The following PTPRD variants were observed in gnomAD, a reference collection of about 807,000 sequenced individuals.
PTPRD encodes the protein receptor-type tyrosine-protein phosphatase delta.
Under a neutral mutation model 214.5 loss-of-function variants are expected in PTPRD, and 34 were observed. The ratio of observed to expected loss-of-function variants is 0.16; its 90% CI spans 0.12 to 0.21. PTPRD has a LOEUF of 0.21. PTPRD is among the 10% of genes least tolerant of loss of function. The probability of loss-of-function intolerance (pLI) is 1.00; values close to 1 mark genes in which losing one functional copy is unlikely to be tolerated. For synonymous variants in PTPRD, 1,128 were observed against 845.7 expected, an observed-to-expected ratio of 1.33 and a Z score of -5.79; for missense variants, 2,545 against 2,398.7, an observed-to-expected ratio of 1.06 and a Z score of -1.27.
At chr9:8,922,022 T>C (rs2098831494) in intron 11 of PTPRD, among the ~76,000 whole-genome samples, 1 of 151,660 alleles carries the variant, frequency 6.6e-6, no homozygotes, top group Non-Finnish European at 1.5e-5. Context: ...AAAGGAGAAG[T>C]TATTACGCTA....
intron 43 of PTPRD, among the ~76,000 whole-genome samples, chr9:8,336,058 C>T (rs956935315): frequency 3.3e-5 from 5 of 151,438 alleles, no homozygotes; most frequent in Admixed American, 3.3e-4. Flanking sequence ...GATTCAATGC[C>T]ATCCCCATCA....
chr9:9,733,111 G>T (rs1379935027), intron 7 of PTPRD, among the ~76,000 whole-genome samples: 1 of 152,106 alleles, frequency 6.6e-6, no homozygotes, highest in Non-Finnish European at 1.5e-5. Context: ...AACTAGTCTC[G>T]CAATAAACAG....
chr9:10,556,610 T>G (rs1566918629), intron 2 of PTPRD, among the ~76,000 whole-genome samples: 1 of 152,134 alleles, frequency 6.6e-6, no homozygotes, highest in Non-Finnish European at 1.5e-5. Flanking sequence ...GCTCAAATTT[T>G]GTTGACTTTA....
intron 5 of PTPRD, among the ~76,000 whole-genome samples, chr9:9,872,920 T>C (rs1293285362): frequency 6.6e-6 from 1 of 152,134 alleles, no homozygotes; most frequent in Admixed American, 6.6e-5. Context: ...CTGATTAATA[T>C]TTATTAAGTA....
intron 35 of PTPRD, among the ~76,000 whole-genome samples, chr9:8,429,997 G>C (rs1333168571): frequency 6.6e-6 from 1 of 152,144 alleles, no homozygotes; most frequent in African/African-American, 2.4e-5. Flanking sequence ...TGACAGGATG[G>C]ACTGTGGTCC....
chr9:8,506,080 G>C (rs749528179), intron 22 of PTPRD, among the ~76,000 whole-genome samples: 6 of 152,090 alleles, frequency 3.9e-5, no homozygotes, highest in Non-Finnish European at 8.8e-5. Context: ...TTGAGATTCT[G>C]CTCAATTCAA....
intron 3 of PTPRD, among the ~76,000 whole-genome samples, chr9:10,103,639 G>T (rs1000883606): frequency 6.6e-6 from 1 of 151,182 alleles, no homozygotes; most frequent in Non-Finnish European, 1.5e-5. Flanking sequence ...AGGTCTGAGG[G>T]TTCATTGTCT....
intron 2 of PTPRD, among the ~76,000 whole-genome samples, chr9:10,608,825 G>T (rs555382418): frequency 2.0e-5 from 3 of 152,004 alleles, no homozygotes; most frequent in Admixed American, 6.6e-5. Context: ...GTTTTGAAAA[G>T]CTTGTTACAA....
intron 11 of PTPRD, among the ~76,000 whole-genome samples, chr9:8,987,444 T>C (rs1373380452): frequency 6.6e-6 from 1 of 152,162 alleles, no homozygotes; most frequent in Non-Finnish European, 1.5e-5. Context: ...CATTCCTTTT[T>C]GCAGTTTTAG....
intron 44 of PTPRD, among the ~76,000 whole-genome samples, chr9:8,323,154 T>G (rs535402882): frequency 6.6e-6 from 1 of 152,226 alleles, no homozygotes; most frequent in African/African-American, 2.4e-5. Context: ...GACTGAACAT[T>G]TTAAGGCCAC....
chr9:9,597,990 C>T (rs983395810), intron 7 of PTPRD, among the ~76,000 whole-genome samples: 5 of 151,846 alleles, frequency 3.3e-5, no homozygotes, highest in African/African-American at 1.2e-4. Flanking sequence ...AATGCAAAAA[C>T]CATGTATCCT....
intron 2 of PTPRD, among the ~76,000 whole-genome samples, chr9:10,524,346 A>G (rs560558754): frequency 6.6e-6 from 1 of 152,204 alleles, no homozygotes; most frequent in Admixed American, 6.6e-5. Flanking sequence ...TGTGTTTGAT[A>G]CATAGTTTAC....
At chr9:9,138,642 C>T (rs2039332) in intron 10 of PTPRD, among the ~76,000 whole-genome samples, 14,734 of 152,042 alleles carry the variant, frequency 0.097, 1,972 homozygotes, top group African/African-American at 0.3. Flanking sequence ...GGAATAACCA[C>T]AGTTTTAAGG....
chr9:10,130,285 A>G (rs1405531367), intron 3 of PTPRD, among the ~76,000 whole-genome samples: 3 of 151,696 alleles, frequency 2.0e-5, no homozygotes, highest in South Asian at 2.1e-4. Flanking sequence ...CTCAGTATCT[A>G]TGACTGTTTT....
rs372843213 is a variant in PTPRD at position 9,466,044 on chromosome 9, C to T, written c.-236-68562G>A. Among the ~76,000 whole-genome samples the T allele has an allele frequency of 5.3e-5, 8 of 152,112 alleles. No homozygotes were observed. In the East Asian group the frequency reaches 9.7e-4, roughly 18 times the overall value. On this transcript the variant is annotated intron_variant, in intron 8 of 45. Coordinates refer to ENST00000381196, the MANE Select transcript of PTPRD (RefSeq NM_002839.4). ...AATCTAGTAGCCAGGTGTGATGGTTCACACCTATAATACCAGCACTTTGGA... is the reference window on the plus strand; with the variant it reads ...AATCTAGTAGCCAGGTGTGATGGTTTACACCTATAATACCAGCACTTTGGA...
chr9:9,549,315 A>G (rs1454377298), intron 8 of PTPRD, among the ~76,000 whole-genome samples: 1 of 152,106 alleles, frequency 6.6e-6, no homozygotes, highest in Non-Finnish European at 1.5e-5. Flanking sequence ...GAATATATAA[A>G]GAACTCTTAT....
At position 8,331,574 on chromosome 9, in the gene PTPRD, A is replaced by AAACTTACCATTCTTCAACTGT; in HGVS notation, c.5534+7_5534+8insACAGTTGAAGAATGGTAAGTT. 1.2e-6 allele frequency: 2 copies of AAACTTACCATTCTTCAACTGT among 1,611,994 alleles called. No homozygotes were observed. The highest frequency in any genetic ancestry group is 1.7e-6 in the Non-Finnish European group (2 of 1,178,832). The stretch of plus-strand genomic sequence containing the variant: ...TTATCACTGCTTTATTCACAAATGG[A>AAACTTACCATTCTTCAACTGT]AACTTACCTGCAATGGACTGAAATG... On this transcript the variant is annotated splice_region_variant and intron_variant, in intron 44 of 45. Transcript: ENST00000381196.
At chr9:9,484,695 GA>G (rs1436823816) in intron 8 of PTPRD, among the ~76,000 whole-genome samples, 2 of 152,060 alleles carry the variant, frequency 1.3e-5, no homozygotes, top group African/African-American at 4.8e-5. Flanking sequence ...GATGAAAACT[GA>G]GGTACAAGGA....
intron 9 of PTPRD, among the ~76,000 whole-genome samples, chr9:9,218,706 T>C (rs1028709085): frequency 2.6e-5 from 4 of 152,124 alleles, no homozygotes; most frequent in African/African-American, 9.7e-5. Context: ...CAACTAAATC[T>C]GGGACTTTTG....
Sources: gnomAD v4.1 joint callset for allele counts (sites outside exome capture counted in the v4.1 genomes callset) on GRCh38, gnomAD v4.1.1 for gene constraint, MANE v1.5 for transcripts, NCBI Gene and HGNC (gene_info 2026-07-23, HGNC 2026-07-21) for gene names.